The following ADCY2 variants were observed in gnomAD, a reference collection of about 807,000 sequenced individuals.
ADCY2 encodes adenylate cyclase 2, also known as adenylate cyclase type 2.
ADCY2 carries 31 observed loss-of-function variants against 125.2 expected under a neutral mutation model. The observed-to-expected ratio is 0.25, with a 90% confidence interval of 0.19 to 0.33. The LOEUF (loss-of-function observed/expected upper bound fraction) is 0.33. ADCY2 is among the 10% of genes least tolerant of loss of function. The pLI, the probability that ADCY2 is intolerant of heterozygous loss-of-function variation, is 1.00. For synonymous variants in ADCY2, 512 were observed against 548.4 expected, an observed-to-expected ratio of 0.93 and a Z score of 0.93; for missense variants, 904 against 1,418.2, an observed-to-expected ratio of 0.64 and a Z score of 5.82.
chr5:7,458,205 A>C (rs1741777095), intron 2 of ADCY2, among the ~76,000 whole-genome samples: 1 of 152,176 alleles, frequency 6.6e-6, no homozygotes, highest in Non-Finnish European at 1.5e-5. Context: ...ACAGAAAAAG[A>C]GTGGGAAAAA....
At chr5:7,509,932 G>C (rs1288813776) in intron 2 of ADCY2, among the ~76,000 whole-genome samples, 1 of 152,158 alleles carries the variant, frequency 6.6e-6, no homozygotes, top group Non-Finnish European at 1.5e-5. Context: ...TTCTACTTAA[G>C]ATGGTCAGGT....
At chr5:7,615,810 G>A (rs2126648355) in intron 3 of ADCY2, among the ~76,000 whole-genome samples, 1 of 152,226 alleles carries the variant, frequency 6.6e-6, no homozygotes, top group Middle Eastern at 3.4e-3. Context: ...TGTTGTTGCT[G>A]TGAGCAAAAA....
chr5:7,501,645 C>CG (rs1743584003), intron 2 of ADCY2, among the ~76,000 whole-genome samples: 2 of 74,022 alleles, frequency 2.7e-5, no homozygotes, highest in Non-Finnish European at 3.1e-5. Context: ...AGATTCCCCC[C>CG]TCCCCCCCCC....
At chr5:7,475,971 A>T (rs1243141332) in intron 2 of ADCY2, among the ~76,000 whole-genome samples, 1 of 152,132 alleles carries the variant, frequency 6.6e-6, no homozygotes, top group Non-Finnish European at 1.5e-5. Flanking sequence ...CTTAATCAGA[A>T]CTCATTTTTG....
chr5:7,564,798 C>T (rs116549459), intron 3 of ADCY2, among the ~76,000 whole-genome samples: 216 of 152,174 alleles, frequency 1.4e-3, no homozygotes, highest in African/African-American at 4.6e-3. Context: ...TAAAGCATAG[C>T]GAATGTCACC....
intron 3 of ADCY2, among the ~76,000 whole-genome samples, chr5:7,599,374 G>A (rs946862315): frequency 6.6e-6 from 1 of 152,202 alleles, no homozygotes; most frequent in Non-Finnish European, 1.5e-5. Flanking sequence ...TTGATGAGTG[G>A]TGTGGGAAAA....
At chr5:7,569,795 G>A (rs1362787686) in intron 3 of ADCY2, among the ~76,000 whole-genome samples, 4 of 152,090 alleles carry the variant, frequency 2.6e-5, no homozygotes, top group African/African-American at 9.7e-5. Context: ...TCTGCCTTTG[G>A]AGAAGGAAAG....
chr5:7,567,018 T>C (rs755819404), intron 3 of ADCY2, among the ~76,000 whole-genome samples: 2 of 152,216 alleles, frequency 1.3e-5, no homozygotes, highest in Non-Finnish European at 1.5e-5. Flanking sequence ...ACTTAATAGA[T>C]ACCTACATTT....
intron 3 of ADCY2, among the ~76,000 whole-genome samples, chr5:7,544,037 A>AAAT (rs1491011818): frequency 7.2e-6 from 1 of 138,702 alleles, no homozygotes; most frequent in African/African-American, 2.6e-5. Flanking sequence ...AAAAAAAAAA[A>AAAT]AGATTGTCCC....
chr5:7,652,724 C>T (rs924076125), intron 4 of ADCY2, among the ~76,000 whole-genome samples: 1 of 152,142 alleles, frequency 6.6e-6, no homozygotes, highest in Non-Finnish European at 1.5e-5. Flanking sequence ...ACTGATTCTA[C>T]TTGATTAAAC....
At chr5:7,558,126 C>T (rs1338056554) in intron 3 of ADCY2, among the ~76,000 whole-genome samples, 1 of 151,928 alleles carries the variant, frequency 6.6e-6, no homozygotes, top group Non-Finnish European at 1.5e-5. Context: ...AATCTCGGCT[C>T]ACTGCAACCC....
intron 4 of ADCY2, among the ~76,000 whole-genome samples, chr5:7,660,633 C>T (rs1012740045): frequency 3.3e-5 from 5 of 152,102 alleles, no homozygotes; most frequent in Admixed American, 6.6e-5. Context: ...GTAGAATTTC[C>T]ATTTTACAGT....
At chr5:7,728,184 A>G (rs533989398) in intron 14 of ADCY2, among the ~76,000 whole-genome samples, 6 of 152,264 alleles carry the variant, frequency 3.9e-5, no homozygotes, top group African/African-American at 1.4e-4. Flanking sequence ...GGGCAACTCA[A>G]ACTGCTTAGA....
chr5:7,417,846 C>T (rs893867978), intron 2 of ADCY2, among the ~76,000 whole-genome samples: 3 of 152,218 alleles, frequency 2.0e-5, no homozygotes, highest in Non-Finnish European at 4.4e-5. Context: ...GACTGTCTCT[C>T]CAGTATCCTA....
In ADCY2 at chr5:7,520,991, T is replaced by G. The variant is rs560310111; in HGVS notation, c.570+92T>G. ...GCTGGCCCATTCAGGGTGTGTGTAG[T>G]GTGGTACCTGCAGCTGTTCCCTTTC... On this transcript the variant is annotated intron_variant, in intron 3 of 24. Transcript: ENST00000338316. 45 of 1,479,766 alleles carry G rather than the reference T, an allele frequency of 3.0e-5. No homozygotes were observed. The African/African-American group carries it at 5.1e-4, about 17-fold the overall frequency. The allele number at this position is 1,479,766 out of a possible 1,614,324, so 91.7% of individuals were successfully genotyped here.
intron 4 of ADCY2, chr5:7,653,949 G>A (rs1739192922): frequency 2.5e-6 from 1 of 404,248 alleles, no homozygotes; most frequent in Non-Finnish European, 4.9e-6. Context: ...AGACTTCATT[G>A]TGAGGAGTTT....
intron 2 of ADCY2, among the ~76,000 whole-genome samples, chr5:7,507,918 T>C (rs967674367): frequency 3.3e-5 from 5 of 152,134 alleles, no homozygotes; most frequent in East Asian, 3.9e-4. Context: ...TTTTTCCCAA[T>C]TGTAAAATTA....
intron 2 of ADCY2, among the ~76,000 whole-genome samples, chr5:7,479,727 G>A (rs963002582): frequency 3.9e-5 from 6 of 151,922 alleles, no homozygotes; most frequent in Non-Finnish European, 5.9e-5. Context: ...TCCATACCCA[G>A]TGTCCCGTAA....
chr5:7,520,800 C>CG lies in ADCY2; in HGVS notation c.472dup (p.Ala158GlyfsTer17), dbSNP rs763093770. 1 of 1,614,208 alleles carries CG rather than the reference C, an allele frequency of 6.2e-7. No individual in the cohort carries two copies. Among genetic ancestry groups the CG allele is most frequent in the Non-Finnish European group, 8.5e-7 (1 of 1,180,038 alleles). ...CCATGCTGCCCTTCAACATGCGAGACGCCATCATTGCCAGCGTCCTCACCT... is the reference window on the plus strand; with the variant it reads ...CCATGCTGCCCTTCAACATGCGAGACGGCCATCATTGCCAGCGTCCTCACCT... On this transcript the variant is annotated frameshift_variant, in exon 3 of 25. Coordinates refer to ENST00000338316, the MANE Select transcript of ADCY2 (RefSeq NM_020546.3). LOFTEE classifies it high-confidence loss of function.
Sources: allele counts gnomAD v4.1 joint callset (sites outside exome capture counted in the v4.1 genomes callset), GRCh38; gene constraint gnomAD v4.1.1; transcripts MANE v1.5; gene names NCBI Gene and HGNC (gene_info 2026-07-23, HGNC 2026-07-21).